ROBO2: variants seen among roughly 807,000 people sequenced by gnomAD.
The protein encoded by ROBO2 is roundabout homolog 2.
ROBO2 carries 53 observed loss-of-function variants against 160.8 expected under a neutral mutation model. The ratio of observed to expected loss-of-function variants is 0.33; its 90% CI spans 0.26 to 0.41. The LOEUF (loss-of-function observed/expected upper bound fraction) is 0.41. Among genes scored for constraint, ROBO2 ranks in the 10% least tolerant of loss-of-function variants. ROBO2 has a pLI of 1.00. For synonymous variants in ROBO2, 664 were observed against 611.7 expected (o/e 1.09, Z -1.26); for missense variants, 1,577 against 1,722.4 (o/e 0.92, Z 1.49).
At chr3:76,794,118 C>T (rs2063540026) in intron 2 of ROBO2, among the ~76,000 whole-genome samples, 1 of 151,666 alleles carries the variant, frequency 6.6e-6, no homozygotes, top group South Asian at 2.1e-4. Flanking sequence ...CAAATAAAAA[C>T]GTCTTATTAA....
chr3:76,298,309 G>A (rs551170576), intron 2 of ROBO2, among the ~76,000 whole-genome samples: 64 of 152,198 alleles, frequency 4.2e-4, no homozygotes, highest in Non-Finnish European at 7.9e-4. Context: ...GGGGTCTCTG[G>A]GGAACGATGT....
chr3:77,064,509 C>CA (rs1357882869), intron 1 of ROBO2, among the ~76,000 whole-genome samples: 10 of 151,856 alleles, frequency 6.6e-5, no homozygotes, highest in Admixed American at 6.6e-4. Context: ...TACAGGCATG[C>CA]ACCACCATGC....
At chr3:77,469,092 T>C (rs2083084556) in intron 2 of ROBO2, among the ~76,000 whole-genome samples, 2 of 152,222 alleles carry the variant, frequency 1.3e-5, no homozygotes, top group South Asian at 2.1e-4. Flanking sequence ...AATGACAATC[T>C]TTATCAGTTG....
chr3:76,302,326 CTTTG>C (rs1449701970), intron 2 of ROBO2, among the ~76,000 whole-genome samples: 7 of 152,014 alleles, frequency 4.6e-5, no homozygotes, highest in East Asian at 3.9e-4. Context: ...ACTCTTATTT[CTTTG>C]TTTATTTCTA....
At chr3:76,500,845 T>C (rs1003892290) in intron 2 of ROBO2, among the ~76,000 whole-genome samples, 1 of 152,218 alleles carries the variant, frequency 6.6e-6, no homozygotes, top group Non-Finnish European at 1.5e-5. Context: ...AACAGTATCA[T>C]TTTTTAATAA....
intron 2 of ROBO2, among the ~76,000 whole-genome samples, chr3:76,005,463 C>T (rs2065994581): frequency 2.0e-5 from 3 of 152,112 alleles, no homozygotes; most frequent in Non-Finnish European, 4.4e-5. Context: ...AATGGAGGGG[C>T]TTAAGGTATG....
chr3:76,347,895 T>C (rs2074625620), intron 2 of ROBO2, among the ~76,000 whole-genome samples: 1 of 152,156 alleles, frequency 6.6e-6, no homozygotes, highest in African/African-American at 2.4e-5. Flanking sequence ...TTTATTATAT[T>C]GTTAATGTGA....
chr3:76,913,034 T>G (rs184278452), intron 2 of ROBO2, among the ~76,000 whole-genome samples: 3 of 152,260 alleles, frequency 2.0e-5, no homozygotes, highest in African/African-American at 7.2e-5. Flanking sequence ...GGAAAGAAAT[T>G]TGATAGCAAA....
chr3:77,386,137 ACTTTAT>A lies in ROBO2; in HGVS notation c.389-91270_389-91265del, dbSNP rs1205315212. 6.6e-5 allele frequency among the ~76,000 whole-genome samples: 10 copies of A among 152,286 alleles called. No individual in the cohort carries two copies. In the East Asian group the frequency reaches 1.5e-3, roughly 24 times the overall value. On this transcript the variant is annotated intron_variant, in intron 2 of 25. Transcript: ENST00000461745. ...CTAAGTATTTTACCTGCATTTTATT[ACTTTAT>A]CTTTATGGGAACCATCAGAAGTGCA...
At chr3:77,543,885 C>T (rs2153646558) in intron 6 of ROBO2, among the ~76,000 whole-genome samples, 1 of 152,104 alleles carries the variant, frequency 6.6e-6, no homozygotes, top group South Asian at 2.1e-4. Flanking sequence ...GATTTTTATT[C>T]AAATCTTTTA....
intron 2 of ROBO2, among the ~76,000 whole-genome samples, chr3:75,973,642 T>C (rs976945107): frequency 6.6e-6 from 1 of 151,534 alleles, no homozygotes; most frequent in South Asian, 2.1e-4. Context: ...ATAATGGAAA[T>C]TTTGAAAAAA....
At chr3:77,076,820 A>C (rs1301617777) in intron 1 of ROBO2, among the ~76,000 whole-genome samples, 1 of 152,206 alleles carries the variant, frequency 6.6e-6, no homozygotes, top group Admixed American at 6.5e-5. Context: ...TTTTTTAAAA[A>C]ATAAGTCAAA....
intron 2 of ROBO2, among the ~76,000 whole-genome samples, chr3:77,392,430 T>G (rs1277492777): frequency 6.6e-6 from 1 of 152,256 alleles, no homozygotes; most frequent in Non-Finnish European, 1.5e-5. Flanking sequence ...TTTTTCTTGC[T>G]GCAGGCAGAA....
Position 77,040,270 on chromosome 3 carries a change from A to G in ROBO2, c.-516A>G. 3.0e-6 allele frequency: 3 copies of G among 994,512 alleles called. No homozygotes were observed. The highest frequency in any genetic ancestry group is 3.6e-6 in the Non-Finnish European group (3 of 836,238). 61.6% of individuals were successfully genotyped at this position (994,512 alleles called of 1,614,324 possible). A position where few individuals can be genotyped will look rare whatever the true frequency, so the allele number is the denominator to read the frequency against. ...CTTATTATGGAAGTTAAGTAAAAAT[A>G]TAGACATATTAAAAAATAACTCCGG... is the stretch of plus-strand genomic sequence containing the variant. On this transcript the variant is annotated 5_prime_UTR_variant, in exon 1 of 26. In the 5' UTR this introduces an upstream ATG that the reference lacks. Transcript: ENST00000461745.
chr3:76,480,896 C>T (rs979830612), intron 2 of ROBO2, among the ~76,000 whole-genome samples: 5 of 152,156 alleles, frequency 3.3e-5, no homozygotes, highest in African/African-American at 1.2e-4. Context: ...TTGGTTATCA[C>T]AAGAGTCTTA....
At chr3:77,283,815 G>T (rs748004154) in intron 2 of ROBO2, among the ~76,000 whole-genome samples, 75 of 152,198 alleles carry the variant, frequency 4.9e-4, no homozygotes, top group Middle Eastern at 3.4e-3. Flanking sequence ...TCTGACTTGA[G>T]CTCGGTACTT....
chr3:76,227,765 C>G (rs965864673), intron 2 of ROBO2, among the ~76,000 whole-genome samples: 2 of 152,126 alleles, frequency 1.3e-5, no homozygotes, highest in African/African-American at 4.8e-5. Flanking sequence ...TCACCTACCC[C>G]ACCCTAGACT....
At chr3:77,238,954 T>C (rs6768395) in intron 2 of ROBO2, among the ~76,000 whole-genome samples, 52,790 of 151,994 alleles carry the variant, frequency 0.35, 10,827 homozygotes, top group East Asian at 0.78. Context: ...AATCATCCCT[T>C]GGTTCCAGGA....
intron 2 of ROBO2, among the ~76,000 whole-genome samples, chr3:76,346,433 G>A (rs958691194): frequency 1.3e-5 from 2 of 151,960 alleles, no homozygotes; most frequent in Non-Finnish European, 2.9e-5. Flanking sequence ...GAAAACTGAG[G>A]TCAAGACTAT....
Sources: allele counts gnomAD v4.1 joint callset (sites outside exome capture counted in the v4.1 genomes callset), GRCh38; gene constraint gnomAD v4.1.1; transcripts MANE v1.5; gene names NCBI Gene and HGNC (gene_info 2026-07-23, HGNC 2026-07-21).